SCEL: variants seen among roughly 807,000 people sequenced by gnomAD.
SCEL encodes the protein sciellin.
Under a neutral mutation model 117.6 loss-of-function variants are expected in SCEL, and 113 were observed. The ratio of observed to expected loss-of-function variants is 0.96; its 90% confidence interval spans 0.83 to 1.12. The LOEUF (loss-of-function observed/expected upper bound fraction) is 1.12, where lower values mean the gene tolerates loss of function less well. Among genes scored for constraint, SCEL ranks in the 50% most tolerant of loss-of-function variants. The probability of loss-of-function intolerance (pLI) is 0.00; values close to 1 mark genes in which losing one functional copy is unlikely to be tolerated. For missense variants in SCEL, 785 were observed against 810.8 expected (o/e 0.97, Z 0.39); for synonymous variants, 270 against 256.2 (o/e 1.05, Z -0.51).
chr13:77,599,499 C>T, intron 14 of SCEL, 111 bp downstream of exon 14: 1 of 952,748 alleles, frequency 1.0e-6, no homozygotes, highest in Non-Finnish European at 1.7e-6. Context: ...AATGTACTGG[C>T]AGATGGGGTA....
intron 30 of SCEL, among the ~76,000 whole-genome samples, chr13:77,638,722 A>G (rs946122451): frequency 1.1e-4 from 16 of 152,296 alleles, no homozygotes; most frequent in African/African-American, 3.9e-4. Flanking sequence ...CCATGTAACC[A>G]GATAAAGTCC....
At chr13:77,634,856 T>A (rs1022508073) in intron 29 of SCEL, among the ~76,000 whole-genome samples, 13 of 152,222 alleles carry the variant, frequency 8.5e-5, no homozygotes, top group Non-Finnish European at 1.3e-4. Context: ...GGGTATAAAT[T>A]TGAGTAGTGC....
Position 77,642,732 on chromosome 13 carries a change from A to G in SCEL, c.1974A>G (p.Glu658=), listed in dbSNP as rs780507940. ...FKCEICKQPL[E]NLQAGDSIWI... ...GTGAAATATGCAAGCAGCCTTTGGA[A>G]AATCTACAAGCGGGTGATAGTATTT... Residue 658 remains glutamate, a synonymous_variant, in exon 32 of 33, where the codon GAA becomes GAG. Coordinates refer to ENST00000349847, the MANE Select transcript of SCEL (RefSeq NM_144777.3). 1 of 1,601,470 alleles carries G rather than the reference A, an allele frequency of 6.2e-7. No individual in the cohort carries two copies. The highest frequency in any genetic ancestry group is 1.7e-5 in the Admixed American group (1 of 57,506).
chr13:77,559,744 A>G, intron 3 of SCEL, 60 bp from the exon 4 acceptor site: 2 of 1,473,576 alleles, frequency 1.4e-6, no homozygotes, highest in South Asian at 1.2e-5. Context: ...TCTCTCATTT[A>G]GTGCTTGGTC....
chr13:77,624,293 A>T (rs2089604812), intron 27 of SCEL, among the ~76,000 whole-genome samples: 1 of 151,830 alleles, frequency 6.6e-6, no homozygotes, highest in Non-Finnish European at 1.5e-5. Context: ...TTTAGTAGAG[A>T]CGGGGTTTCA....
At chr13:77,550,043 A>G (rs2084217880) in intron 1 of SCEL, among the ~76,000 whole-genome samples, 1 of 149,726 alleles carries the variant, frequency 6.7e-6, no homozygotes, top group Middle Eastern at 3.4e-3. Flanking sequence ...TATAATTTAC[A>G]TGCCATAAAA....
At chr13:77,556,908 A>G (rs888001267) in intron 3 of SCEL, among the ~76,000 whole-genome samples, 195 bp downstream of exon 3, 3 of 152,196 alleles carry the variant, frequency 2.0e-5, no homozygotes, top group Non-Finnish European at 4.4e-5. Flanking sequence ...GCCATTTTAA[A>G]TATCCACATG....
chr13:77,636,496 GCA>G lies in SCEL; in HGVS notation c.1764-623_1764-622del, dbSNP rs2090284467. On this transcript the variant is annotated intron_variant, in intron 29 of 32. Transcript: ENST00000349847. ...CCTATTCTTAATATATGCCCAGATA[GCA>G]TAAGTACTTGGAAAGCAATTATGGG... is the stretch of plus-strand genomic sequence containing the variant. Among the ~76,000 whole-genome samples the G allele has an allele frequency of 2.0e-5, 3 of 152,250 alleles. No homozygotes were observed. In the South Asian group the frequency reaches 6.2e-4, roughly 32 times the overall value.
intron 10 of SCEL, among the ~76,000 whole-genome samples, chr13:77,590,653 A>G (rs1023358113): frequency 6.6e-6 from 1 of 152,068 alleles, no homozygotes; most frequent in African/African-American, 2.4e-5. Context: ...CCAATGATCT[A>G]AAAAATAAAA....
intron 8 of SCEL, among the ~76,000 whole-genome samples, chr13:77,570,917 C>T (rs972886909): frequency 6.6e-6 from 1 of 151,778 alleles, no homozygotes; most frequent in African/African-American, 2.4e-5. Context: ...ACTGCAACCT[C>T]TGCCTCCCAG....
At chr13:77,592,183 G>A (rs17068019) in intron 11 of SCEL, among the ~76,000 whole-genome samples, 3,736 of 151,936 alleles carry the variant, frequency 0.025, 153 homozygotes, top group East Asian at 0.13. Flanking sequence ...TATTATCCCC[G>A]TTTGACTTTC....
intron 4 of SCEL, among the ~76,000 whole-genome samples, chr13:77,560,879 G>C (rs1436071464): frequency 6.6e-6 from 1 of 151,310 alleles, no homozygotes. Flanking sequence ...ATCTTAAAAA[G>C]TTAAGCAGAC....
chr13:77,565,797 G>A (rs915319591), intron 5 of SCEL, among the ~76,000 whole-genome samples: 2 of 152,144 alleles, frequency 1.3e-5, no homozygotes, highest in Non-Finnish European at 2.9e-5. Flanking sequence ...ATAAATAAAT[G>A]TGTATGTAGC....
At chr13:77,544,251 G>A (rs1029860994) in intron 1 of SCEL, among the ~76,000 whole-genome samples, 1 of 152,004 alleles carries the variant, frequency 6.6e-6, no homozygotes, top group Non-Finnish European at 1.5e-5. Flanking sequence ...ACTTTCTGCT[G>A]CACATCTTTT....
At chr13:77,603,491 G>A (rs1361642609) in intron 18 of SCEL, among the ~76,000 whole-genome samples, 2 of 152,172 alleles carry the variant, frequency 1.3e-5, no homozygotes, top group Non-Finnish European at 2.9e-5. Context: ...TGGAGCTCTG[G>A]TAATTCAGCT....
chr13:77,578,584 T>A (rs1446860192), intron 9 of SCEL, among the ~76,000 whole-genome samples: 1 of 152,128 alleles, frequency 6.6e-6, no homozygotes, highest in African/African-American at 2.4e-5. Context: ...AGGAAGAGCT[T>A]CTAGCAGGGA....
intron 12 of SCEL, among the ~76,000 whole-genome samples, chr13:77,594,299 C>T (rs1349830294): frequency 1.3e-5 from 2 of 152,234 alleles, no homozygotes; most frequent in African/African-American, 4.8e-5. Context: ...AACCTGGCTC[C>T]AGCCTCACAT....
chr13:77,615,440 G>A (rs768417087), intron 24 of SCEL, among the ~76,000 whole-genome samples: 3 of 152,068 alleles, frequency 2.0e-5, no homozygotes, highest in African/African-American at 2.4e-5. Flanking sequence ...TGGCCAGGAC[G>A]TGTTTTTTAC....
At position 77,617,606 on chromosome 13, in the gene SCEL, G is replaced by C; in HGVS notation, c.1459G>C (p.Asp487His). The change falls in exon 25 of 33, where the codon GAT becomes CAT. Residue 487 changes from aspartate to histidine, a missense_variant. Transcript: ENST00000349847. The part of the protein sequence containing the change: ...KAVKNTDGKQ[D>H]LDKLIKVNPE... ...TATTTTTTCCACTTAAAGAAAACAA[G>C]ATCTTGATAAACTCATCAAGGTGAA... 1.3e-6 allele frequency: 2 copies of C among 1,585,696 alleles called. No homozygotes were observed. The highest frequency in any genetic ancestry group is 1.7e-6 in the Non-Finnish European group (2 of 1,162,426).
Sources: allele counts gnomAD v4.1 joint callset (sites outside exome capture counted in the v4.1 genomes callset), GRCh38; gene constraint gnomAD v4.1.1; transcripts MANE v1.5; gene names NCBI Gene and HGNC (gene_info 2026-07-23, HGNC 2026-07-21).